ST6GALNAC3: variants seen among roughly 807,000 people sequenced by gnomAD.
ST6GALNAC3 encodes alpha-N-acetylgalactosaminide alpha-2,6-sialyltransferase 3.
A neutral mutation model predicts 32.7 loss-of-function variants in ST6GALNAC3; 25 were observed. The observed-to-expected ratio is 0.76, with a 90% CI of 0.56 to 1.07. The LOEUF is 1.07. Among genes scored for constraint, ST6GALNAC3 ranks in the 50% least tolerant of loss-of-function variants. The pLI is 0.00. For missense variants in ST6GALNAC3, 355 were observed against 382.4 expected, an observed-to-expected ratio of 0.93 and a Z score of 0.60; for synonymous variants, 129 against 133.1, an observed-to-expected ratio of 0.97 and a Z score of 0.21.
chr1:76,478,965 G>A (rs552020175), intron 3 of ST6GALNAC3, among the ~76,000 whole-genome samples: 58 of 151,752 alleles, frequency 3.8e-4, no homozygotes, highest in Admixed American at 1.1e-3. Flanking sequence ...GGGTTTCACT[G>A]TGTTAGACAG....
intron 1 of ST6GALNAC3, among the ~76,000 whole-genome samples, chr1:76,163,589 C>T (rs1651940837): frequency 6.6e-6 from 1 of 152,154 alleles, no homozygotes; most frequent in Non-Finnish European, 1.5e-5. Flanking sequence ...TTTAACATCT[C>T]TAAAACTTGA....
At chr1:76,349,678 A>G (rs1355550962) in intron 2 of ST6GALNAC3, among the ~76,000 whole-genome samples, 1 of 152,196 alleles carries the variant, frequency 6.6e-6, no homozygotes, top group East Asian at 1.9e-4. Context: ...TCTTTGATTT[A>G]TCAACTTCAG....
intron 3 of ST6GALNAC3, among the ~76,000 whole-genome samples, chr1:76,428,688 C>T (rs1374271310): frequency 6.6e-6 from 1 of 151,978 alleles, no homozygotes; most frequent in African/African-American, 2.4e-5. Flanking sequence ...TGAAAATATG[C>T]ACTGTATTAT....
chr1:76,363,645 C>T (rs1255587729), intron 2 of ST6GALNAC3, among the ~76,000 whole-genome samples: 5 of 152,068 alleles, frequency 3.3e-5, no homozygotes, highest in South Asian at 2.1e-4. Context: ...AAGTAATACC[C>T]GAGACTGGGT....
intron 1 of ST6GALNAC3, among the ~76,000 whole-genome samples, chr1:76,249,579 AT>A (rs1657495787): frequency 6.6e-6 from 1 of 152,106 alleles, no homozygotes; most frequent in African/African-American, 2.4e-5. Context: ...TGCTATGAAC[AT>A]TTATGTACAG....
At chr1:76,519,965 A>G (rs1456694849) in intron 3 of ST6GALNAC3, among the ~76,000 whole-genome samples, 1 of 151,796 alleles carries the variant, frequency 6.6e-6, no homozygotes, top group Non-Finnish European at 1.5e-5. Context: ...TAAAAATTAT[A>G]TATTTTTACA....
intron 3 of ST6GALNAC3, among the ~76,000 whole-genome samples, chr1:76,539,207 C>A (rs1024232948): frequency 3.3e-5 from 5 of 152,000 alleles, no homozygotes; most frequent in African/African-American, 4.8e-5. Flanking sequence ...TCAGAAATAA[C>A]ACCACACATC....
chr1:76,269,480 A>G (rs1658717090), intron 1 of ST6GALNAC3, among the ~76,000 whole-genome samples: 2 of 152,254 alleles, frequency 1.3e-5, no homozygotes, highest in Admixed American at 1.3e-4. Context: ...TTAGAAATAC[A>G]GAGTCTTAGG....
At chr1:76,132,044 TC>T (rs1429486170) in intron 1 of ST6GALNAC3, among the ~76,000 whole-genome samples, 1 of 152,098 alleles carries the variant, frequency 6.6e-6, no homozygotes, top group East Asian at 1.9e-4. Context: ...ATTCCACTCC[TC>T]CCTTGTGGGG....
chr1:76,510,473 G>A (rs1661785585), intron 3 of ST6GALNAC3, among the ~76,000 whole-genome samples: 2 of 152,108 alleles, frequency 1.3e-5, no homozygotes, highest in Non-Finnish European at 2.9e-5. Flanking sequence ...ACAATAGAGT[G>A]AGGTATGGAA....
intron 1 of ST6GALNAC3, among the ~76,000 whole-genome samples, chr1:76,179,070 C>G (rs1366922266): frequency 1.3e-5 from 2 of 152,154 alleles, no homozygotes; most frequent in Non-Finnish European, 2.9e-5. Flanking sequence ...TCTGGCATCT[C>G]CATGGTACCA....
At chr1:76,537,207 T>C (rs1253110188) in intron 3 of ST6GALNAC3, among the ~76,000 whole-genome samples, 1 of 151,796 alleles carries the variant, frequency 6.6e-6, no homozygotes, top group Non-Finnish European at 1.5e-5. Context: ...CAAAATTACA[T>C]GGAAATTTGA....
chr1:76,563,757 G>C (rs988434245), intron 3 of ST6GALNAC3, among the ~76,000 whole-genome samples: 4 of 152,178 alleles, frequency 2.6e-5, no homozygotes, highest in Non-Finnish European at 5.9e-5. Flanking sequence ...GAAGCAAAAA[G>C]TCTTTCTCCA....
chr1:76,466,876 C>T lies in ST6GALNAC3; in HGVS notation c.623+54459C>T, dbSNP rs545040642. On this transcript the variant is annotated intron_variant, in intron 3 of 4. Transcript: ENST00000328299. ...TTGCATATAGATAAGAAGCAGACTT[C>T]GCTAAAATTGTTCAGATTTAGCTGT... is the stretch of plus-strand genomic sequence containing the variant. 8.5e-5 allele frequency among the ~76,000 whole-genome samples: 13 copies of T among 152,090 alleles called. No homozygotes were observed. In the East Asian group the frequency reaches 1.5e-3, roughly 18 times the overall value.
At chr1:76,468,942 T>G (rs1016028639) in intron 3 of ST6GALNAC3, among the ~76,000 whole-genome samples, 5 of 151,802 alleles carry the variant, frequency 3.3e-5, no homozygotes. Flanking sequence ...AAATAATTTC[T>G]TTCCTTGGCC....
At position 76,111,915 on chromosome 1, in the gene ST6GALNAC3, G is replaced by A. The variant is rs1014721000; in HGVS notation, c.18+37031G>A. 1.8e-4 allele frequency among the ~76,000 whole-genome samples: 28 copies of A among 152,112 alleles called. No homozygotes were observed. In the Middle Eastern group the frequency reaches 0.01, roughly 55 times the overall value. Reference sequence around the variant, plus strand: ...TCCCCCCTTTCTATTCCACAAAACCGCCGTTGTCATCATGGCCCCTTCTCA... The same window carrying A: ...TCCCCCCTTTCTATTCCACAAAACCACCGTTGTCATCATGGCCCCTTCTCA... On this transcript the variant is annotated intron_variant, in intron 1 of 4. Transcript: ENST00000328299.
Position 76,108,739 on chromosome 1 carries a change from T to C in ST6GALNAC3, c.18+33855T>C, listed in dbSNP as rs886458459. 5.5e-4 allele frequency among the ~76,000 whole-genome samples: 83 copies of C among 152,182 alleles called. 1 individual carries two copies. The highest frequency in any genetic ancestry group is 1.9e-3 in the African/African-American group (79 of 41,508). ...ATCCCTCGATCGAAACAAATTATCA[T>C]AGGAGGGAAGAAAAAGTAAATCTCA... On this transcript the variant is annotated intron_variant, in intron 1 of 4. Transcript: ENST00000328299.
At chr1:76,580,481 A>C (rs902929580) in intron 3 of ST6GALNAC3, among the ~76,000 whole-genome samples, 1 of 152,174 alleles carries the variant, frequency 6.6e-6, no homozygotes, top group Non-Finnish European at 1.5e-5. Context: ...GAAACACAAA[A>C]GTGCCAGAAC....
chr1:76,414,675 C>A (rs549665662), intron 3 of ST6GALNAC3, among the ~76,000 whole-genome samples: 1 of 151,942 alleles, frequency 6.6e-6, no homozygotes, highest in Non-Finnish European at 1.5e-5. Context: ...TAATTCATGA[C>A]CAGTATGGTT....
Sources: allele counts gnomAD v4.1 joint callset (sites outside exome capture counted in the v4.1 genomes callset), GRCh38; gene constraint gnomAD v4.1.1; transcripts MANE v1.5; gene names NCBI Gene and HGNC (gene_info 2026-07-23, HGNC 2026-07-21).